POU3F3: variants seen among roughly 807,000 people sequenced by gnomAD.
POU3F3 encodes POU domain, class 3, transcription factor 3.
Under a neutral mutation model 8.6 loss-of-function variants are expected in POU3F3, and 1 was observed. The ratio of observed to expected loss-of-function variants is 0.12; its 90% CI spans 0.04 to 0.55. POU3F3 has a LOEUF of 0.55. Ranked by LOEUF, POU3F3 falls within the 20% of genes least tolerant of loss-of-function variation. The pLI, the probability that POU3F3 is intolerant of heterozygous loss-of-function variation, is 0.91. For missense variants in POU3F3, 577 were observed against 690.7 expected, an observed-to-expected ratio of 0.84 and a Z score of 1.84; for synonymous variants, 418 against 327.4, an observed-to-expected ratio of 1.28 and a Z score of -2.99.
chr2:104,868,992 A>C, the POU3F3 span, among the ~76,000 whole-genome samples: 1 of 152,148 alleles, frequency 6.6e-6, no homozygotes, highest in East Asian at 1.9e-4. Flanking sequence ...CCCTCCAAAA[A>C]TGCAATCTTA....
the POU3F3 span, among the ~76,000 whole-genome samples, chr2:104,887,805 A>G: frequency 6.6e-6 from 1 of 152,226 alleles, no homozygotes; most frequent in Admixed American, 6.5e-5. Context: ...GGATGCGTCC[A>G]TGGTCCATGA....
chr2:104,853,877 GA>G (rs1385315008), upstream of POU3F3: 1 of 151,894 alleles, frequency 6.6e-6, no homozygotes, highest in Non-Finnish European at 1.5e-5. Flanking sequence ...GCGGGGAGGG[GA>G]AAGTGGTGAG....
the POU3F3 span, among the ~76,000 whole-genome samples, chr2:104,884,851 G>A: frequency 1.3e-5 from 2 of 152,134 alleles, no homozygotes; most frequent in Admixed American, 6.5e-5. Context: ...TGCTCCAAGC[G>A]ACAAATAAGG....
chr2:104,907,082 T>A, the POU3F3 span, among the ~76,000 whole-genome samples: 2 of 152,148 alleles, frequency 1.3e-5, no homozygotes, highest in African/African-American at 2.4e-5. Flanking sequence ...TCCTGTGGGA[T>A]CCTGCCCCAG....
chr2:104,867,077 G>A, the POU3F3 span: 1 of 152,240 alleles, frequency 6.6e-6, no homozygotes, highest in African/African-American at 2.4e-5. This position sits in a 1 kb window ranked among gnomAD's most constrained non-coding sequence, Gnocchi z 5.0. Flanking sequence ...TGCGGTGGCA[G>A]GAGAGCTACT....
chr2:104,859,911 C>A (rs1270103887), downstream of POU3F3, among the ~76,000 whole-genome samples: 1 of 151,884 alleles, frequency 6.6e-6, no homozygotes, highest in East Asian at 1.9e-4. Context: ...AGAAGTTCAC[C>A]ATTTTGGGGG....
downstream of POU3F3, among the ~76,000 whole-genome samples, chr2:104,858,995 C>T (rs1291530749): frequency 2.0e-5 from 3 of 152,030 alleles, no homozygotes; most frequent in Non-Finnish European, 2.9e-5. Flanking sequence ...GTCCCCCTCC[C>T]AACATGTTCC....
chr2:104,885,940 G>T, the POU3F3 span, among the ~76,000 whole-genome samples: 1 of 152,108 alleles, frequency 6.6e-6, no homozygotes, highest in African/African-American at 2.4e-5. Flanking sequence ...GGGATTACAG[G>T]TGCCTGCAAT....
rs1254353363 is a variant in POU3F3 at position 104,854,514 on chromosome 2, T to C, written c.-997T>C. Among the ~76,000 whole-genome samples the C allele has an allele frequency of 2.6e-5, 4 of 152,238 alleles. No homozygotes were observed. Among genetic ancestry groups the C allele is most frequent in the Non-Finnish European group, 4.4e-5 (3 of 68,044 alleles). On this transcript the variant is annotated 5_prime_UTR_variant, in exon 1 of 1. Transcript: ENST00000361360. The surrounding 1 kb of genome is among the most constrained non-coding windows in gnomAD (Gnocchi z 4.5). ...ACAGAGCGATTCGACATCATTTTTT[T>C]TCCTGTTCAATTTTTTCCTTGTTAT...
At chr2:104,904,957 A>G in the POU3F3 span, among the ~76,000 whole-genome samples, 1 of 152,180 alleles carries the variant, frequency 6.6e-6, no homozygotes, top group Non-Finnish European at 1.5e-5. Flanking sequence ...CGAAACATGT[A>G]GGAAATGGAG....
the POU3F3 span, among the ~76,000 whole-genome samples, chr2:104,909,347 C>G: frequency 6.6e-6 from 1 of 152,236 alleles, no homozygotes; most frequent in South Asian, 2.1e-4. Context: ...GGATGGGAAG[C>G]CAGAAGATAT....
At chr2:104,920,097 C>T in the POU3F3 span, among the ~76,000 whole-genome samples, 1 of 152,330 alleles carries the variant, frequency 6.6e-6, no homozygotes, top group African/African-American at 2.4e-5. Flanking sequence ...CCACTGCAAC[C>T]TCTACCTCCC....
chr2:104,863,417 T>G (rs1004252980), downstream of POU3F3, among the ~76,000 whole-genome samples: 1 of 151,996 alleles, frequency 6.6e-6, no homozygotes, highest in African/African-American at 2.4e-5. Flanking sequence ...GCAGGGCTTG[T>G]GGAAGGAAAG....
At chr2:104,890,662 G>T in the POU3F3 span, among the ~76,000 whole-genome samples, 1 of 152,156 alleles carries the variant, frequency 6.6e-6, no homozygotes, top group African/African-American at 2.4e-5. Context: ...GTTAAGGTGG[G>T]AGGTGAGGGT....
the POU3F3 span, among the ~76,000 whole-genome samples, chr2:104,911,658 A>G: frequency 6.6e-6 from 1 of 152,090 alleles, no homozygotes; most frequent in Non-Finnish European, 1.5e-5. Context: ...AATAAAAAAC[A>G]TGAATTTATC....
chr2:104,914,750 G>A, the POU3F3 span, among the ~76,000 whole-genome samples: 1 of 152,186 alleles, frequency 6.6e-6, no homozygotes, highest in Non-Finnish European at 1.5e-5. Flanking sequence ...AGGGGATGTA[G>A]AGAGAAAAGG....
At chr2:104,865,780 CAGA>C in the POU3F3 span, 1 of 152,184 alleles carries the variant, frequency 6.6e-6, no homozygotes, top group African/African-American at 2.4e-5. Flanking sequence ...ATCAAGGTCT[CAGA>C]AGGAGGGTGA....
chr2:104,917,478 G>C, the POU3F3 span, among the ~76,000 whole-genome samples: 2 of 152,152 alleles, frequency 1.3e-5, no homozygotes, highest in African/African-American at 2.4e-5. Flanking sequence ...GTGTATAAGA[G>C]AGGGGCCTGA....
At chr2:104,910,548 G>A in the POU3F3 span, among the ~76,000 whole-genome samples, 1 of 152,130 alleles carries the variant, frequency 6.6e-6, no homozygotes. Flanking sequence ...CAGGACTAAT[G>A]TGAGGGTTAA....
Sources: gnomAD v4.1 joint callset for allele counts (sites outside exome capture counted in the v4.1 genomes callset) on GRCh38, gnomAD v4.1.1 for gene constraint, Gnocchi (gnomAD v3.1) non-coding constraint, MANE v1.5 for transcripts, NCBI Gene and HGNC (gene_info 2026-07-23, HGNC 2026-07-21) for gene names.